Variants in ERBB4 observed in about 807,000 individuals in gnomAD.
ERBB4 encodes the protein erb-b2 receptor tyrosine kinase 4.
Under a neutral mutation model 158.0 loss-of-function variants are expected in ERBB4, and 42 were observed. That is an observed-to-expected ratio of 0.27 (90% CI 0.21 to 0.34). The LOEUF is 0.34. ERBB4 is among the 10% of genes least tolerant of loss of function. ERBB4 has a pLI of 1.00. For synonymous variants in ERBB4, 583 were observed against 558.7 expected, an observed-to-expected ratio of 1.04 and a Z score of -0.61; for missense variants, 1,333 against 1,624.1, an observed-to-expected ratio of 0.82 and a Z score of 3.08.
At chr2:211,661,995 C>T (rs573931679) in intron 15 of ERBB4, among the ~76,000 whole-genome samples, 9 of 119,446 alleles carry the variant, frequency 7.5e-5, no homozygotes, top group African/African-American at 2.9e-4. Flanking sequence ...GCCGAGATCC[C>T]GCCACTGCAC....
At chr2:211,975,909 A>G (rs1284454849) in intron 2 of ERBB4, among the ~76,000 whole-genome samples, 1 of 152,110 alleles carries the variant, frequency 6.6e-6, no homozygotes, top group African/African-American at 2.4e-5. Flanking sequence ...TTCTTTACTA[A>G]TATTATTCTA....
chr2:212,359,979 G>T (rs1381883524), intron 1 of ERBB4, among the ~76,000 whole-genome samples: 1 of 151,430 alleles, frequency 6.6e-6, no homozygotes, highest in Admixed American at 6.6e-5. Flanking sequence ...TTGCATCTTT[G>T]TATCTAAAAA....
At chr2:212,073,102 G>A (rs1400966241) in intron 2 of ERBB4, among the ~76,000 whole-genome samples, 1 of 151,854 alleles carries the variant, frequency 6.6e-6, no homozygotes, top group Admixed American at 6.6e-5. Context: ...GAGGCCTGGA[G>A]GTGGAAGGAA....
chr2:212,306,468 A>C (rs2086814269), intron 1 of ERBB4, among the ~76,000 whole-genome samples: 1 of 151,360 alleles, frequency 6.6e-6, no homozygotes, highest in Non-Finnish European at 1.5e-5. Flanking sequence ...CCATTTCTTT[A>C]TTTAATTATA....
chr2:212,221,969 A>C (rs2083304109), intron 1 of ERBB4, among the ~76,000 whole-genome samples: 1 of 151,598 alleles, frequency 6.6e-6, no homozygotes, highest in African/African-American at 2.4e-5. Flanking sequence ...AAGTATCCAC[A>C]TCTACAGTAT....
At chr2:211,751,450 T>C (rs1046109798) in intron 4 of ERBB4, among the ~76,000 whole-genome samples, 1 of 152,180 alleles carries the variant, frequency 6.6e-6, no homozygotes, top group Admixed American at 6.5e-5. Flanking sequence ...CTGAATTTCA[T>C]AGATTCACTC....
intron 3 of ERBB4, among the ~76,000 whole-genome samples, chr2:211,937,635 C>T (rs957962925): frequency 5.9e-5 from 9 of 152,062 alleles, no homozygotes; most frequent in African/African-American, 2.2e-4. Flanking sequence ...TCCTTCTTCA[C>T]AGGCCAGAAG....
chr2:212,015,028 TA>T (rs71397157), intron 2 of ERBB4, among the ~76,000 whole-genome samples: 186 of 4,522 alleles, frequency 0.041, 18 homozygotes, highest in African/African-American at 0.046. Flanking sequence ...CCGTCTCTAC[TA>T]AAAAAAAAAA....
At chr2:211,482,839 A>C (rs1011479835) in intron 20 of ERBB4, among the ~76,000 whole-genome samples, 7 of 152,188 alleles carry the variant, frequency 4.6e-5, no homozygotes, top group African/African-American at 1.2e-4. Flanking sequence ...TGGTAGGCAG[A>C]GGTTGCGGTG....
chr2:212,072,367 A>G (rs1214327062), intron 2 of ERBB4, among the ~76,000 whole-genome samples: 2 of 151,996 alleles, frequency 1.3e-5, no homozygotes, highest in Admixed American at 1.3e-4. Context: ...GTAGTAGCGT[A>G]GAATGATGAT....
chr2:211,617,957 C>T (rs1019514024), intron 19 of ERBB4, among the ~76,000 whole-genome samples: 5 of 152,048 alleles, frequency 3.3e-5, no homozygotes, highest in South Asian at 2.1e-4. Context: ...GAAAAAATAA[C>T]GGCATGATAA....
At chr2:212,316,958 A>T (rs2087313185) in intron 1 of ERBB4, among the ~76,000 whole-genome samples, 1 of 151,504 alleles carries the variant, frequency 6.6e-6, no homozygotes, top group Admixed American at 6.6e-5. Flanking sequence ...AGCTATTCTG[A>T]GGTGATTATA....
chr2:211,989,743 A>G (rs944066985), intron 2 of ERBB4, among the ~76,000 whole-genome samples: 1 of 152,004 alleles, frequency 6.6e-6, no homozygotes, highest in African/African-American at 2.4e-5. Flanking sequence ...ATGAATAAAT[A>G]TGAGTTTTTA....
At chr2:212,173,584 G>C (rs1454159657) in intron 1 of ERBB4, among the ~76,000 whole-genome samples, 1 of 152,134 alleles carries the variant, frequency 6.6e-6, no homozygotes, top group Non-Finnish European at 1.5e-5. Flanking sequence ...CTGTGTACCA[G>C]GAGATTTCAC....
intron 1 of ERBB4, among the ~76,000 whole-genome samples, chr2:212,399,918 G>A (rs1341579252): frequency 6.6e-6 from 1 of 151,750 alleles, no homozygotes; most frequent in Non-Finnish European, 1.5e-5. Flanking sequence ...AACGAGCACA[G>A]TATAGTATAT....
chr2:211,704,322 T>G (rs1252259577), intron 10 of ERBB4, 128 bp from the exon 11 acceptor site: 1 of 698,480 alleles, frequency 1.4e-6, no homozygotes, highest in Non-Finnish European at 2.6e-6. Context: ...AACATTTCTA[T>G]TTTTTAAGCA....
intron 15 of ERBB4, among the ~76,000 whole-genome samples, chr2:211,664,330 TG>T (rs2071540017): frequency 1.8e-5 from 1 of 56,112 alleles, no homozygotes; most frequent in Non-Finnish European, 4.2e-5. Context: ...ACTACAAATG[TG>T]TGTGTGTGTG....
chr2:211,641,312 C>T (rs1016105255), intron 16 of ERBB4, among the ~76,000 whole-genome samples: 2 of 152,056 alleles, frequency 1.3e-5, no homozygotes, highest in African/African-American at 2.4e-5. Flanking sequence ...TCATTTTATG[C>T]GGTTTCACTT....
intron 1 of ERBB4, among the ~76,000 whole-genome samples, chr2:212,181,694 T>C (rs960451341): frequency 6.6e-6 from 1 of 151,766 alleles, no homozygotes; most frequent in Admixed American, 6.6e-5. Context: ...AAAACTAATA[T>C]GTGCTACAAT....
Sources: allele counts gnomAD v4.1 joint callset (sites outside exome capture counted in the v4.1 genomes callset), GRCh38; gene constraint gnomAD v4.1.1; transcripts MANE v1.5; gene names NCBI Gene and HGNC (gene_info 2026-07-23, HGNC 2026-07-21).